The following KALRN variants were observed in gnomAD, a reference collection of about 807,000 sequenced individuals.
KALRN encodes the protein kalirin.
Under a neutral mutation model 353.7 loss-of-function variants are expected in KALRN, and 70 were observed. The ratio of observed to expected loss-of-function variants is 0.20; its 90% CI spans 0.16 to 0.24. The LOEUF (loss-of-function observed/expected upper bound fraction) is 0.24, where lower values mean the gene tolerates loss of function less well. Ranked by LOEUF, KALRN falls within the 10% of genes least tolerant of loss-of-function variation. The pLI, the probability that KALRN is intolerant of heterozygous loss-of-function variation, is 1.00. For missense variants in KALRN, 2,791 were observed against 3,756.7 expected, an observed-to-expected ratio of 0.74 and a Z score of 6.72; for synonymous variants, 1,391 against 1,434.8, an observed-to-expected ratio of 0.97 and a Z score of 0.69.
In KALRN at chr3:124,719,477, C is replaced by A; in HGVS notation, c.*7C>A. On this transcript the variant is annotated 3_prime_UTR_variant, in exon 60 of 60. Transcript: ENST00000682506. This position sits in a 1 kb window ranked among gnomAD's most constrained non-coding sequence, Gnocchi z 5.3. ...GGTGAACCAAGGGACGTAGCCATCTCCCAGCCCCTATGGTTTCACATAGAC... is the reference window on the plus strand; with the variant it reads ...GGTGAACCAAGGGACGTAGCCATCTACCAGCCCCTATGGTTTCACATAGAC... 1 of 1,608,088 alleles carries A rather than the reference C, an allele frequency of 6.2e-7. No homozygotes were observed. Among genetic ancestry groups the A allele is most frequent in the Non-Finnish European group, 8.5e-7 (1 of 1,176,080 alleles).
intron 1 of KALRN, among the ~76,000 whole-genome samples, 181 bp from the exon 2 acceptor site, chr3:124,227,809 C>T (rs1282156350): frequency 6.6e-6 from 1 of 150,882 alleles, no homozygotes; most frequent in Non-Finnish European, 1.5e-5. Context: ...CTATGGCTGG[C>T]ATGATGTGGA....
In KALRN at chr3:124,292,996, T is replaced by C. The variant is rs531403465; in HGVS notation, c.970-5795T>C. Among the ~76,000 whole-genome samples, 13 of 152,330 alleles carry C rather than the reference T, an allele frequency of 8.5e-5. 1 individual carries two copies. Among genetic ancestry groups the C allele is most frequent in the Middle Eastern group, 3.4e-3 (1 of 294 alleles). On this transcript the variant is annotated intron_variant, in intron 5 of 59. Transcript: ENST00000682506. ...TTTATACAGCAGAGTCTGTACTGAT[T>C]TGAATTCTGTTCCTTGCGCTCTAAC...
intron 1 of KALRN, among the ~76,000 whole-genome samples, chr3:124,197,526 A>G (rs2075562405): frequency 6.6e-6 from 1 of 152,162 alleles, no homozygotes; most frequent in Admixed American, 6.5e-5. Context: ...TGATCCTTCT[A>G]GCTAGAACAC....
intron 3 of KALRN, among the ~76,000 whole-genome samples, chr3:124,243,928 C>T (rs2080811002): frequency 6.6e-6 from 1 of 152,050 alleles, no homozygotes; most frequent in Non-Finnish European, 1.5e-5. Flanking sequence ...TGTCACTTGT[C>T]CTTTATTGTC....
At chr3:124,580,363 T>C (rs1276446346) in intron 34 of KALRN, among the ~76,000 whole-genome samples, 2 of 19,628 alleles carry the variant, frequency 1.0e-4, no homozygotes, top group Admixed American at 1.2e-3. Context: ...AGGGTGTGTG[T>C]GGGGGTGGGT....
At chr3:124,455,051 G>A (rs2059171567) in intron 21 of KALRN, 126 bp from the exon 22 acceptor site, 2 of 936,290 alleles carry the variant, frequency 2.1e-6, no homozygotes, top group African/African-American at 1.6e-5. Flanking sequence ...TAACAAAGCT[G>A]GGATACATAC....
chr3:124,379,694 T>C (rs2087072241), intron 10 of KALRN, among the ~76,000 whole-genome samples: 1 of 152,218 alleles, frequency 6.6e-6, no homozygotes, highest in African/African-American at 2.4e-5. Flanking sequence ...TCTAACTGTA[T>C]GAGTGCTAGG....
chr3:124,394,534 C>G (rs760725290), intron 11 of KALRN, among the ~76,000 whole-genome samples: 24 of 152,138 alleles, frequency 1.6e-4, no homozygotes, highest in Non-Finnish European at 3.5e-4. Context: ...ATTTTATCAT[C>G]TTGAATATTA....
intron 34 of KALRN, among the ~76,000 whole-genome samples, chr3:124,583,821 A>G (rs2074853109): frequency 6.6e-6 from 1 of 152,100 alleles, no homozygotes; most frequent in African/African-American, 2.4e-5. Context: ...CCCACCTCCT[A>G]CCTACTAAAT....
intron 10 of KALRN, among the ~76,000 whole-genome samples, chr3:124,350,833 G>A (rs188590284): frequency 1.1e-4 from 16 of 152,292 alleles, no homozygotes; most frequent in Non-Finnish European, 1.8e-4. Context: ...AAGGAGAAAA[G>A]CAGATGTGAG....
In KALRN at chr3:124,109,813, A is replaced by G. The variant is rs56103841; in HGVS notation, c.73+76000A>G. On this transcript the variant is annotated intron_variant, in intron 1 of 59. Transcript: ENST00000682506. ...ACTTTGATATATATATGACATATAT[A>G]TCATACTTTGATATATATATGACAT... 7.6e-3 allele frequency among the ~76,000 whole-genome samples: 47 copies of G among 6,194 alleles called. 1 individual carries two copies. Among genetic ancestry groups the G allele is most frequent in the African/African-American group, 0.014 (18 of 1,274 alleles). The allele number at this position is 6,194 out of a possible 152,430, so 4.1% of individuals were successfully genotyped here.
Position 124,614,457 on chromosome 3 carries a change from G to A in KALRN, c.5183-17963G>A, listed in dbSNP as rs551268279. Among the ~76,000 whole-genome samples the A allele has an allele frequency of 5.9e-5, 9 of 151,618 alleles. No individual in the cohort carries two copies. In the South Asian group the frequency reaches 8.4e-4, roughly 14 times the overall value. On this transcript the variant is annotated intron_variant, in intron 34 of 59. Transcript: ENST00000682506. The stretch of plus-strand genomic sequence containing the variant: ...CTAATTTTTACAGAAACAGAGTTTC[G>A]CCATGTTGCCCAGACTGGTCTCAAA...
At chr3:124,488,137 TGGGTTA>T in intron 28 of KALRN, 61 bp from the exon 29 acceptor site, 2 of 912,614 alleles carry the variant, frequency 2.2e-6, no homozygotes, top group South Asian at 2.9e-5. Context: ...ATTTCCTTGC[TGGGTTA>T]GGTGGTGGGA....
At chr3:124,171,081 T>G (rs2071751442) in intron 1 of KALRN, among the ~76,000 whole-genome samples, 1 of 151,934 alleles carries the variant, frequency 6.6e-6, no homozygotes, top group South Asian at 2.1e-4. Context: ...CCTCACAAAG[T>G]GTTGGGATTA....
At chr3:124,356,559 C>G (rs747091046) in intron 10 of KALRN, among the ~76,000 whole-genome samples, 4 of 152,052 alleles carry the variant, frequency 2.6e-5, no homozygotes, top group African/African-American at 4.8e-5. Flanking sequence ...GTCTTGAACT[C>G]CTGACCTCAG....
chr3:124,361,335 T>A (rs2084013121), intron 10 of KALRN, among the ~76,000 whole-genome samples: 1 of 152,206 alleles, frequency 6.6e-6, no homozygotes, highest in South Asian at 2.1e-4. Context: ...GAAACAGAAA[T>A]AATCCACCCA....
At position 124,474,737 on chromosome 3, in the gene KALRN, C is replaced by A. The variant is rs1360331718; in HGVS notation, c.4101+5C>A. The A allele has an allele frequency of 1.9e-6, 3 of 1,612,142 alleles. No homozygotes were observed. Among genetic ancestry groups the A allele is most frequent in the East Asian group, 2.2e-5 (1 of 44,878 alleles). ...GGACACTGCTTTGTTACCTGGGTAACCAACCTGAAATCCTTCTCCCACTGC... is the reference window on the plus strand; with the variant it reads ...GGACACTGCTTTGTTACCTGGGTAAACAACCTGAAATCCTTCTCCCACTGC... On this transcript the variant is annotated splice_donor_5th_base_variant and intron_variant, in intron 26 of 59. Transcript: ENST00000682506.
intron 37 of KALRN, among the ~76,000 whole-genome samples, chr3:124,640,356 G>A (rs945670868): frequency 1.4e-5 from 2 of 144,782 alleles, no homozygotes; most frequent in Admixed American, 7.2e-5. Context: ...GCATGATCTC[G>A]GTTCTCTGCA....
chr3:124,702,093 C>T lies in KALRN; in HGVS notation c.8052C>T (p.Tyr2684=). The T allele has an allele frequency of 6.2e-7, 1 of 1,612,900 alleles. No individual in the cohort carries two copies. The highest frequency in any genetic ancestry group is 1.1e-5 in the South Asian group (1 of 91,038). The change falls in exon 57 of 60, where the codon TAC becomes TAT. Residue 2684 remains tyrosine (Y), a synonymous_variant. Coordinates refer to ENST00000682506, the MANE Select transcript of KALRN (RefSeq NM_001388419.1). ...GGAAGGAAAATTTTGACTCAGCTTA[C>T]ACTGAGCTGAATGAAATTGGAAGGT... is the stretch of plus-strand genomic sequence containing the variant. ...ISWKENFDSA[Y]TELNEIGRGR... is the part of the protein sequence containing the mutation.
Sources: gnomAD v4.1 joint callset for allele counts (sites outside exome capture counted in the v4.1 genomes callset) on GRCh38, gnomAD v4.1.1 for gene constraint, Gnocchi (gnomAD v3.1) non-coding constraint, MANE v1.5 for transcripts, NCBI Gene and HGNC (gene_info 2026-07-23, HGNC 2026-07-21) for gene names.